The following IQUB variants were observed in gnomAD, a reference collection of about 807,000 sequenced individuals.
IQUB encodes IQ motif and ubiquitin domain containing, also known as IQ motif and ubiquitin-like domain-containing protein.
IQUB carries 86 observed loss-of-function variants against 86.4 expected under a neutral mutation model. That is an observed-to-expected ratio of 1.00 (90% CI 0.84 to 1.19). IQUB has a LOEUF of 1.19. IQUB is among the 50% of genes most tolerant of loss of function. The probability of loss-of-function intolerance (pLI) is 0.00; values close to 1 mark genes in which losing one functional copy is unlikely to be tolerated. For missense variants in IQUB, 946 were observed against 916.9 expected, an observed-to-expected ratio of 1.03 and a Z score of -0.41; for synonymous variants, 289 against 304.5, an observed-to-expected ratio of 0.95 and a Z score of 0.53.
In IQUB at chr7:123,494,006, AT is replaced by A. The variant is rs375438807; in HGVS notation, c.1234+2689del. ...GATCGGTCTCATGACATAATATTGA[AT>A]TTTGAAAAACAAACAAAAAATTATA... is the stretch of plus-strand genomic sequence containing the variant. On this transcript the variant is annotated intron_variant, in intron 7 of 12. Transcript: ENST00000324698. Among the ~76,000 whole-genome samples, 13 of 152,216 alleles carry A rather than the reference AT, an allele frequency of 8.5e-5. No individual in the cohort carries two copies. In the East Asian group the frequency reaches 1.5e-3, roughly 18 times the overall value.
intron 8 of IQUB, among the ~76,000 whole-genome samples, chr7:123,469,940 T>C (rs953751728): frequency 1.3e-5 from 2 of 152,212 alleles, no homozygotes; most frequent in Non-Finnish European, 2.9e-5. Context: ...ATCTTAACTG[T>C]GCTGGGCTGT....
At chr7:123,480,647 C>A (rs1309226968) in intron 7 of IQUB, among the ~76,000 whole-genome samples, 1 of 152,058 alleles carries the variant, frequency 6.6e-6, no homozygotes, top group Non-Finnish European at 1.5e-5. Context: ...CTTTATCTTT[C>A]ACTTCCAATT....
At chr7:123,484,652 C>T (rs1460597632) in intron 7 of IQUB, among the ~76,000 whole-genome samples, 1 of 151,924 alleles carries the variant, frequency 6.6e-6, no homozygotes, top group Non-Finnish European at 1.5e-5. Flanking sequence ...GAATAATATA[C>T]TACTTTTCTA....
At chr7:123,478,307 C>A (rs1794836560) in intron 8 of IQUB, among the ~76,000 whole-genome samples, 1 of 152,024 alleles carries the variant, frequency 6.6e-6, no homozygotes, top group South Asian at 2.1e-4. Flanking sequence ...TTATTCTGAG[C>A]AAACTACCAC....
At chr7:123,530,338 A>T (rs1797469622) in intron 1 of IQUB, among the ~76,000 whole-genome samples, 1 of 151,496 alleles carries the variant, frequency 6.6e-6, no homozygotes. Context: ...CGGGAAGCTG[A>T]GGCAGGAGAA....
chr7:123,521,651 A>AACACACACACACACAC (rs150359350), intron 1 of IQUB, among the ~76,000 whole-genome samples: 117 of 144,414 alleles, frequency 8.1e-4, no homozygotes, highest in African/African-American at 2.2e-3. Context: ...TGTCTAAATA[A>AACACACACACACACAC]ACACACACAC....
chr7:123,457,656 AT>A (rs775634574), intron 11 of IQUB, 90 bp from the exon 12 acceptor site: 7 of 966,158 alleles, frequency 7.2e-6, no homozygotes, highest in Non-Finnish European at 9.3e-6. Flanking sequence ...ATTATAGAGT[AT>A]TTTTAAGTGA....
At chr7:123,493,731 A>ATG (rs71161484) in intron 7 of IQUB, among the ~76,000 whole-genome samples, 23,916 of 112,268 alleles carry the variant, frequency 0.21, 1,993 homozygotes, top group Middle Eastern at 0.31. Context: ...ATGTGTGTGT[A>ATG]TGTGTGTGTG....
chr7:123,474,057 T>C (rs907064177), intron 8 of IQUB, among the ~76,000 whole-genome samples: 1 of 152,214 alleles, frequency 6.6e-6, no homozygotes, highest in African/African-American at 2.4e-5. Context: ...TTTAAGACTG[T>C]ATAATTCATT....
At position 123,497,859 on chromosome 7, in the gene IQUB, T is replaced by C. The variant is rs1390403029; in HGVS notation, c.1024-953A>G. 4.6e-5 allele frequency among the ~76,000 whole-genome samples: 7 copies of C among 151,532 alleles called. No homozygotes were observed. In the East Asian group the frequency reaches 1.2e-3, roughly 25 times the overall value. On this transcript the variant is annotated intron_variant, in intron 6 of 12. Coordinates refer to ENST00000324698, the MANE Select transcript of IQUB (RefSeq NM_178827.5). ...ATTGAAGAAAGAGTCTGTAACCTAA[T>C]CATGCACTGGAGAAGCAAGTCAGAA... is the stretch of plus-strand genomic sequence containing the variant.
chr7:123,475,112 A>C lies in IQUB; in HGVS notation c.1410+4683T>G, dbSNP rs543650603. Among the ~76,000 whole-genome samples, 11 of 152,280 alleles carry C rather than the reference A, an allele frequency of 7.2e-5. No homozygotes were observed. In the South Asian group the frequency reaches 1.9e-3, roughly 26 times the overall value. On this transcript the variant is annotated intron_variant, in intron 8 of 12. Transcript: ENST00000324698. ...CTTTATTTAGTCACATAACTAAAGA[A>C]GTCACAAAAAGTCACACTGTACACC...
At chr7:123,512,532 C>T (rs1319233032) in intron 1 of IQUB, among the ~76,000 whole-genome samples, 188 bp from the exon 2 acceptor site, 1 of 152,168 alleles carries the variant, frequency 6.6e-6, no homozygotes, top group Non-Finnish European at 1.5e-5. Flanking sequence ...TTTGACAATA[C>T]TCTGCAAAGA....
At chr7:123,486,168 AG>A (rs1795205558) in intron 7 of IQUB, among the ~76,000 whole-genome samples, 1 of 152,202 alleles carries the variant, frequency 6.6e-6, no homozygotes, top group African/African-American at 2.4e-5. Context: ...CTCTGGCCAC[AG>A]TATGGACCAC....
intron 1 of IQUB, among the ~76,000 whole-genome samples, chr7:123,516,179 T>C (rs1265466528): frequency 1.3e-5 from 2 of 152,048 alleles, no homozygotes; most frequent in Admixed American, 6.5e-5. Context: ...TCAATAACAA[T>C]AACAATTTTT....
chr7:123,477,387 T>G (rs557933273), intron 8 of IQUB, among the ~76,000 whole-genome samples: 4 of 152,194 alleles, frequency 2.6e-5, no homozygotes, highest in Admixed American at 6.5e-5. Context: ...GCTAGCCATA[T>G]GGAGAAAGCT....
intron 1 of IQUB, among the ~76,000 whole-genome samples, chr7:123,527,291 G>C (rs759288115): frequency 6.6e-5 from 10 of 151,992 alleles, no homozygotes; most frequent in African/African-American, 2.4e-4. Flanking sequence ...TAATTTGATC[G>C]TCTGAAGCCT....
At chr7:123,476,794 C>A (rs1057261991) in intron 8 of IQUB, among the ~76,000 whole-genome samples, 2 of 151,356 alleles carry the variant, frequency 1.3e-5, no homozygotes, top group Non-Finnish European at 2.9e-5. Flanking sequence ...GACACCAGGG[C>A]AGAGCTTTTT....
At chr7:123,503,457 G>A (rs1364843040) in intron 3 of IQUB, 94 bp from the exon 4 acceptor site, 3 of 699,716 alleles carry the variant, frequency 4.3e-6, no homozygotes, top group Non-Finnish European at 7.2e-6. Context: ...AATAAAAATT[G>A]TATATATTGT....
intron 1 of IQUB, among the ~76,000 whole-genome samples, chr7:123,526,433 A>G (rs1797211185): frequency 6.6e-6 from 1 of 152,180 alleles, no homozygotes; most frequent in Non-Finnish European, 1.5e-5. Context: ...TGTTGAATTG[A>G]TCCCTTTACC....
Sources: allele counts gnomAD v4.1 joint callset (sites outside exome capture counted in the v4.1 genomes callset), GRCh38; gene constraint gnomAD v4.1.1; transcripts MANE v1.5; gene names NCBI Gene and HGNC (gene_info 2026-07-23, HGNC 2026-07-21).